The following ALK variants were observed in gnomAD, a reference collection of about 807,000 sequenced individuals.
ALK encodes the protein ALK receptor tyrosine kinase.
A neutral mutation model predicts 163.1 loss-of-function variants in ALK; 74 were observed. That is an observed-to-expected ratio of 0.45 (90% confidence interval 0.38 to 0.55). The LOEUF is 0.55. Ranked by LOEUF, ALK falls within the 20% of genes least tolerant of loss-of-function variation. The pLI, the probability that ALK is intolerant of heterozygous loss-of-function variation, is 0.00. For synonymous variants in ALK, 960 were observed against 843.2 expected (o/e 1.14, Z -2.40); for missense variants, 2,063 against 2,105.3 (o/e 0.98, Z 0.39).
chr2:29,230,516 C>CAA (rs975408406), intron 15 of ALK, among the ~76,000 whole-genome samples: 1 of 152,112 alleles, frequency 6.6e-6, no homozygotes, highest in Non-Finnish European at 1.5e-5. Context: ...TTTCTGGAAG[C>CAA]ACTTGTGGCC....
chr2:29,196,654 T>A (rs2148141385), intron 28 of ALK, 116 bp downstream of exon 28: 1 of 826,192 alleles, frequency 1.2e-6, no homozygotes, highest in African/African-American at 1.7e-5. Flanking sequence ...TTTTCACTAT[T>A]TTGATCATAA....
At chr2:29,269,721 G>A (rs958069532) in intron 11 of ALK, among the ~76,000 whole-genome samples, 3 of 152,196 alleles carry the variant, frequency 2.0e-5, no homozygotes, top group African/African-American at 7.2e-5. Flanking sequence ...CAGGGCAGCT[G>A]AGCAGGGAAA....
chr2:29,476,907 C>G (rs1296299961), intron 4 of ALK, among the ~76,000 whole-genome samples: 1 of 152,122 alleles, frequency 6.6e-6, no homozygotes, highest in Non-Finnish European at 1.5e-5. Context: ...ATCACCTTGC[C>G]CTTTTATCGT....
chr2:29,482,834 A>T (rs576483086), intron 4 of ALK, among the ~76,000 whole-genome samples: 1 of 152,312 alleles, frequency 6.6e-6, no homozygotes, highest in Admixed American at 6.5e-5. Flanking sequence ...TGACGACTAC[A>T]TGGATTACTA....
intron 5 of ALK, among the ~76,000 whole-genome samples, chr2:29,345,130 A>T: frequency 6.6e-6 from 1 of 152,194 alleles, no homozygotes; most frequent in Non-Finnish European, 1.5e-5. Flanking sequence ...GCAGTGGCTC[A>T]CATCTGTAAT....
intron 2 of ALK, among the ~76,000 whole-genome samples, chr2:29,716,996 C>CAAAAAAAA (rs34422584): frequency 3.3e-4 from 2 of 6,002 alleles, no homozygotes; most frequent in African/African-American, 4.5e-4. Context: ...ACCAAAAATC[C>CAAAAAAAA]AAAAAAAAAA....
intron 3 of ALK, among the ~76,000 whole-genome samples, chr2:29,571,995 T>C (rs1175945205): frequency 6.6e-6 from 1 of 152,166 alleles, no homozygotes; most frequent in Non-Finnish European, 1.5e-5. Context: ...AGGTGAAGAA[T>C]GGGCTGAGCC....
intron 1 of ALK, among the ~76,000 whole-genome samples, chr2:29,876,499 ATGG>A (rs1185700659): frequency 7.0e-6 from 1 of 143,622 alleles, no homozygotes; most frequent in Non-Finnish European, 1.5e-5. Flanking sequence ...GGTAGTGGTA[ATGG>A]TGGTAATGGT....
chr2:29,294,975 G>C (rs1022948053), intron 9 of ALK, among the ~76,000 whole-genome samples: 1 of 152,182 alleles, frequency 6.6e-6, no homozygotes, highest in Non-Finnish European at 1.5e-5. Flanking sequence ...TCTGGATCTT[G>C]ATGCTTCCCA....
intron 15 of ALK, among the ~76,000 whole-genome samples, chr2:29,232,088 T>G (rs940814551): frequency 1.3e-5 from 2 of 152,146 alleles, no homozygotes; most frequent in African/African-American, 4.8e-5. Context: ...ACTTTCTCAG[T>G]GACCTTCTAC....
chr2:29,397,642 C>G lies in ALK; in HGVS notation c.1155-13783G>C, dbSNP rs956561054. 2.0e-5 allele frequency among the ~76,000 whole-genome samples: 3 copies of G among 152,320 alleles called. No individual in the cohort carries two copies. In the East Asian group the frequency reaches 5.8e-4, roughly 29 times the overall value. On this transcript the variant is annotated intron_variant, in intron 4 of 28. Coordinates refer to ENST00000389048, the MANE Select transcript of ALK (RefSeq NM_004304.5). ...TGTGATGACCAGCCTGGTGGACAGA[C>G]CAGCTGAGAAAACAACTTATTTCTT...
In ALK at chr2:29,227,593, C is replaced by T. The variant is rs528928041; in HGVS notation, c.2895G>A (p.Leu965=). Residue 965 remains leucine (L), a synonymous_variant, in exon 17 of 29, where the codon CTG becomes CTA. Transcript: ENST00000389048. This position sits in a 1 kb window ranked among gnomAD's most constrained non-coding sequence, Gnocchi z 4.4. ...AGCTACCTTTTAAAGCTGGGGTGTA[C>T]AGGATGCCCAGTGGACTGATGAAGG... ...GVSFISPLGI[L]YTPALKVMEG... The T allele has an allele frequency of 1.1e-5, 18 of 1,614,044 alleles. No homozygotes were observed. The South Asian group carries it at 1.2e-4, about 11-fold the overall frequency.
In ALK at chr2:29,856,568, T is replaced by G. The variant is rs11897887; in HGVS notation, c.667+63425A>C. Among the ~76,000 whole-genome samples the G allele has an allele frequency of 4.7e-3, 717 of 152,304 alleles. 3 individuals carry two copies. Among genetic ancestry groups the G allele is most frequent in the African/African-American group, 0.016 (684 of 41,556 alleles). Reference sequence around the variant, plus strand: ...AGTTAGGAGGTGCAGGAATAGATATTGGAACCCAGGTCTATGTAACTCCAC... The same window carrying G: ...AGTTAGGAGGTGCAGGAATAGATATGGGAACCCAGGTCTATGTAACTCCAC... On this transcript the variant is annotated intron_variant, in intron 1 of 28. Transcript: ENST00000389048.
intron 11 of ALK, among the ~76,000 whole-genome samples, chr2:29,263,061 G>A (rs1039676591): frequency 1.3e-5 from 2 of 152,254 alleles, no homozygotes; most frequent in Non-Finnish European, 1.5e-5. Flanking sequence ...CATGGGTGCT[G>A]TGGACTCAGC....
intron 3 of ALK, among the ~76,000 whole-genome samples, chr2:29,580,826 C>T (rs1279275762): frequency 1.3e-5 from 2 of 152,174 alleles, no homozygotes; most frequent in African/African-American, 4.8e-5. Flanking sequence ...ACGCTTATGC[C>T]ACAGGTTCAG....
chr2:29,587,052 T>A (rs1272251632), intron 3 of ALK, among the ~76,000 whole-genome samples: 1 of 152,112 alleles, frequency 6.6e-6, no homozygotes, highest in Non-Finnish European at 1.5e-5. Context: ...CACCAACACC[T>A]CCCTACTCTT....
At chr2:29,440,312 G>C (rs989799967) in intron 4 of ALK, among the ~76,000 whole-genome samples, 5 of 89,256 alleles carry the variant, frequency 5.6e-5, no homozygotes, top group Non-Finnish European at 1.2e-4. Flanking sequence ...GTTACGTGAT[G>C]AATCAATTTT....
At chr2:29,701,840 T>A (rs965416694) in intron 2 of ALK, among the ~76,000 whole-genome samples, 1 of 152,184 alleles carries the variant, frequency 6.6e-6, no homozygotes, top group Non-Finnish European at 1.5e-5. Flanking sequence ...AGAAGTGAAG[T>A]CACATCTGAT....
chr2:29,407,399 T>G (rs1669611826), intron 4 of ALK, among the ~76,000 whole-genome samples: 1 of 152,246 alleles, frequency 6.6e-6, no homozygotes, highest in Non-Finnish European at 1.5e-5. Context: ...AGCCATTATC[T>G]CATTTAACAT....
Sources: allele counts gnomAD v4.1 joint callset (sites outside exome capture counted in the v4.1 genomes callset), GRCh38; gene constraint gnomAD v4.1.1; non-coding constraint Gnocchi (gnomAD v3.1); transcripts MANE v1.5; gene names NCBI Gene and HGNC (gene_info 2026-07-23, HGNC 2026-07-21).